The following PTPRD variants were observed in gnomAD, a reference collection of about 807,000 sequenced individuals.
The protein encoded by PTPRD is receptor-type tyrosine-protein phosphatase delta.
A neutral mutation model predicts 214.5 loss-of-function variants in PTPRD; 34 were observed. The ratio of observed to expected loss-of-function variants is 0.16; its 90% CI spans 0.12 to 0.21. PTPRD has a LOEUF of 0.21. Ranked by LOEUF, PTPRD falls within the 10% of genes least tolerant of loss-of-function variation. PTPRD has a pLI of 1.00. For synonymous variants in PTPRD, 1,128 were observed against 845.7 expected (o/e 1.33, Z -5.79); for missense variants, 2,545 against 2,398.7 (o/e 1.06, Z -1.27).
Position 8,317,269 on chromosome 9 carries a change from A to T in PTPRD, c.*605T>A, listed in dbSNP as rs973774434. ...AAATAAAAAAATGAAGAGTTATGTA[A>T]CTTTTTTAAAATTCACTTTATCGAA... On this transcript the variant is annotated 3_prime_UTR_variant, in exon 46 of 46. Transcript: ENST00000381196. 1.3e-5 allele frequency: 3 copies of T among 232,300 alleles called. No homozygotes were observed. The highest frequency in any genetic ancestry group is 6.6e-5 in the African/African-American group (3 of 45,268). The allele number at this position is 232,300 out of a possible 1,614,324, so 14.4% of individuals were successfully genotyped here.
intron 34 of PTPRD, chr9:8,437,119 T>G: frequency 1.0e-6 from 1 of 996,846 alleles, no homozygotes; most frequent in Non-Finnish European, 1.5e-6. Context: ...AAACAGACAC[T>G]GAGAAAGGCC....
At chr9:10,570,475 G>A (rs150480123) in intron 2 of PTPRD, among the ~76,000 whole-genome samples, 94 of 152,184 alleles carry the variant, frequency 6.2e-4, no homozygotes, top group African/African-American at 2.1e-3. Context: ...AGATATTGAT[G>A]AACACATATA....
At chr9:8,477,908 C>A (rs185133939) in intron 30 of PTPRD, among the ~76,000 whole-genome samples, 1 of 152,198 alleles carries the variant, frequency 6.6e-6, no homozygotes, top group African/African-American at 2.4e-5. Flanking sequence ...TGGATTCAAG[C>A]CTTTCCTCTC....
intron 3 of PTPRD, among the ~76,000 whole-genome samples, chr9:10,187,489 ATCCCAACTGG>A (rs990578378): frequency 2.5e-4 from 38 of 152,320 alleles, no homozygotes; most frequent in African/African-American, 8.4e-4. Flanking sequence ...TTTCTTTGGA[ATCCCAACTGG>A]TCCCATCTAT....
At chr9:10,588,955 G>C (rs539364583) in intron 2 of PTPRD, among the ~76,000 whole-genome samples, 4 of 151,928 alleles carry the variant, frequency 2.6e-5, no homozygotes, top group Non-Finnish European at 5.9e-5. Context: ...GCCTCATCTG[G>C]GGAAGATAAC....
intron 2 of PTPRD, among the ~76,000 whole-genome samples, chr9:10,384,828 G>A (rs1043700575): frequency 2.0e-5 from 3 of 150,562 alleles, no homozygotes; most frequent in Non-Finnish European, 4.4e-5. Context: ...AATATATTGC[G>A]AAGGATAATA....
chr9:8,586,126 C>T (rs1010779145), intron 14 of PTPRD, among the ~76,000 whole-genome samples: 2 of 152,006 alleles, frequency 1.3e-5, no homozygotes, highest in Admixed American at 1.3e-4. Context: ...ATGGTGAAAC[C>T]CCATCTCTAT....
chr9:9,341,835 C>T (rs1374099765), intron 9 of PTPRD, among the ~76,000 whole-genome samples: 2 of 151,956 alleles, frequency 1.3e-5, no homozygotes, highest in East Asian at 3.9e-4. Context: ...CAAGACAGGG[C>T]CTCACTCTTG....
intron 7 of PTPRD, among the ~76,000 whole-genome samples, chr9:9,651,921 G>A (rs148576126): frequency 8.9e-4 from 124 of 139,526 alleles, no homozygotes; most frequent in African/African-American, 2.8e-3. Flanking sequence ...TGCAAGTTCC[G>A]TCTCCTGGGT....
chr9:9,564,892 T>TA (rs898088715), intron 8 of PTPRD, among the ~76,000 whole-genome samples: 2 of 132,870 alleles, frequency 1.5e-5, no homozygotes, highest in Admixed American at 1.5e-4. Context: ...CTGTTTTTTT[T>TA]TTTTTTTTTT....
intron 2 of PTPRD, among the ~76,000 whole-genome samples, chr9:10,551,798 A>C (rs1385720910): frequency 6.6e-6 from 1 of 152,178 alleles, no homozygotes; most frequent in Non-Finnish European, 1.5e-5. Context: ...GCAGGATCCA[A>C]GCTGAGAAAG....
At chr9:9,307,750 A>G (rs1350883263) in intron 9 of PTPRD, among the ~76,000 whole-genome samples, 1 of 152,212 alleles carries the variant, frequency 6.6e-6, no homozygotes, top group Admixed American at 6.5e-5. Context: ...ATTAAAATTC[A>G]AAATCCTTAG....
intron 9 of PTPRD, among the ~76,000 whole-genome samples, chr9:9,370,672 G>A (rs1314139701): frequency 1.3e-5 from 2 of 151,864 alleles, no homozygotes; most frequent in Non-Finnish European, 2.9e-5. Flanking sequence ...GTGAGAGAGG[G>A]CATCCCTGTC....
intron 6 of PTPRD, among the ~76,000 whole-genome samples, chr9:9,751,132 T>G (rs4742616): frequency 0.046 from 7,052 of 152,076 alleles, 746 homozygotes; most frequent in East Asian, 0.4. Flanking sequence ...AAACAGAAAA[T>G]TGCTCCTAGG....
chr9:9,761,113 T>C (rs2098651735), intron 6 of PTPRD, among the ~76,000 whole-genome samples: 1 of 152,204 alleles, frequency 6.6e-6, no homozygotes, highest in Admixed American at 6.5e-5. Context: ...GCTTATACAT[T>C]AGTGTAACAG....
intron 2 of PTPRD, among the ~76,000 whole-genome samples, chr9:10,571,838 C>T (rs1474400185): frequency 6.6e-6 from 1 of 152,058 alleles, no homozygotes; most frequent in Non-Finnish European, 1.5e-5. Context: ...GGTTCATGCT[C>T]CTGTGAGAAT....
rs2098734707 is a variant in PTPRD, at chr9:8,909,823, G to C, written c.-104+108874C>G. On this transcript the variant is annotated intron_variant, in intron 11 of 45. Transcript: ENST00000381196. ...GAGATAGAGACAGAGATAGAGATAGGGATGGGAACAGGAAAGGGAGATGGA... is the reference window on the plus strand; with the variant it reads ...GAGATAGAGACAGAGATAGAGATAGCGATGGGAACAGGAAAGGGAGATGGA... Among the ~76,000 whole-genome samples the C allele has an allele frequency of 2.7e-5, 4 of 148,960 alleles. No individual in the cohort carries two copies. In the South Asian group the frequency reaches 8.5e-4, roughly 32 times the overall value.
chr9:10,484,436 T>C (rs1443688027), intron 2 of PTPRD, among the ~76,000 whole-genome samples: 4 of 152,096 alleles, frequency 2.6e-5, no homozygotes, highest in African/African-American at 7.2e-5. Context: ...ATCCTAAAGC[T>C]CTTAAAGATT....
intron 3 of PTPRD, among the ~76,000 whole-genome samples, chr9:10,285,605 CTT>C (rs34225956): frequency 3.2e-4 from 33 of 104,082 alleles, no homozygotes; most frequent in Middle Eastern, 5.1e-3. Context: ...GGGGTCTCAT[CTT>C]TTTTTTTTTT....
Sources: allele counts gnomAD v4.1 joint callset (sites outside exome capture counted in the v4.1 genomes callset), GRCh38; gene constraint gnomAD v4.1.1; transcripts MANE v1.5; gene names NCBI Gene and HGNC (gene_info 2026-07-23, HGNC 2026-07-21).